TMEM132C: variants seen among roughly 807,000 people sequenced by gnomAD.
TMEM132C encodes the protein protein phosphatase 1, regulatory subunit 152.
Under a neutral mutation model 61.4 loss-of-function variants are expected in TMEM132C, and 29 were observed. The observed-to-expected ratio is 0.47, with a 90% CI of 0.35 to 0.64. The LOEUF (loss-of-function observed/expected upper bound fraction) is 0.64. Ranked by LOEUF, TMEM132C falls within the 30% of genes least tolerant of loss-of-function variation. TMEM132C has a pLI of 0.00. For missense variants in TMEM132C, 1,408 were observed against 1,476.9 expected (o/e 0.95, Z 0.76); for synonymous variants, 656 against 633.1 (o/e 1.04, Z -0.54).
At chr12:128,434,702 A>G (rs1306780331) in intron 2 of TMEM132C, among the ~76,000 whole-genome samples, 2 of 152,178 alleles carry the variant, frequency 1.3e-5, no homozygotes, top group Non-Finnish European at 2.9e-5. Flanking sequence ...TCCGGGGTTC[A>G]AGCAATTATT....
intron 3 of TMEM132C, among the ~76,000 whole-genome samples, chr12:128,566,492 T>A (rs773546185): frequency 1.3e-5 from 2 of 152,226 alleles, no homozygotes; most frequent in Non-Finnish European, 2.9e-5. Flanking sequence ...AACATTGTGT[T>A]TGGCCCTATA....
chr12:128,376,269 T>C (rs2135986248), intron 1 of TMEM132C, among the ~76,000 whole-genome samples: 2 of 152,372 alleles, frequency 1.3e-5, no homozygotes. Flanking sequence ...ATTATTTTTC[T>C]TCTTCTGATT....
chr12:128,696,422 C>T (rs1470055444), intron 7 of TMEM132C, among the ~76,000 whole-genome samples: 1 of 152,182 alleles, frequency 6.6e-6, no homozygotes, highest in African/African-American at 2.4e-5. Flanking sequence ...TCCCCCTATG[C>T]CTTCTTAGAA....
chr12:128,639,753 A>T lies in TMEM132C; in HGVS notation c.1305+23418A>T, dbSNP rs78695291. ...ACTGAGGAGGTTTCTGGGATGTGGG[A>T]CTCCCAGTTTTAAAACTGGGACATC... On this transcript the variant is annotated intron_variant, in intron 4 of 8. Transcript: ENST00000435159. Among the ~76,000 whole-genome samples, 1,030 of 152,120 alleles carry T rather than the reference A, an allele frequency of 6.8e-3. 12 individuals carry two copies. Among genetic ancestry groups the T allele is most frequent in the African/African-American group, 0.024 (979 of 41,490 alleles).
At chr12:128,560,415 A>G (rs1874470426) in intron 3 of TMEM132C, among the ~76,000 whole-genome samples, 1 of 152,172 alleles carries the variant, frequency 6.6e-6, no homozygotes, top group Non-Finnish European at 1.5e-5. Context: ...GTGGCCTTCC[A>G]GGAGACCTGA....
At chr12:128,433,264 A>G (rs1160308690) in intron 2 of TMEM132C, among the ~76,000 whole-genome samples, 1 of 152,148 alleles carries the variant, frequency 6.6e-6, no homozygotes, top group Non-Finnish European at 1.5e-5. Context: ...CCAAATTTGC[A>G]GTATCACTGA....
chr12:128,620,641 G>A (rs1271515641), intron 4 of TMEM132C, among the ~76,000 whole-genome samples: 2 of 152,270 alleles, frequency 1.3e-5, no homozygotes, highest in Non-Finnish European at 2.9e-5. Flanking sequence ...CTTTGCCCCC[G>A]GGACTGATAT....
chr12:128,481,829 C>T (rs1313072883), intron 2 of TMEM132C, among the ~76,000 whole-genome samples: 1 of 152,170 alleles, frequency 6.6e-6, no homozygotes, highest in Non-Finnish European at 1.5e-5. Context: ...TCTGCTTGAC[C>T]TGGTGGAGCC....
chr12:128,635,478 T>C (rs907383175), intron 4 of TMEM132C, among the ~76,000 whole-genome samples: 1 of 150,782 alleles, frequency 6.6e-6, no homozygotes, highest in East Asian at 1.9e-4. Flanking sequence ...TTTTTTTTTT[T>C]GGTTTCTATC....
intron 1 of TMEM132C, among the ~76,000 whole-genome samples, chr12:128,358,493 T>TTGTGTGTGTG (rs58748919): frequency 0.36 from 52,188 of 144,724 alleles, 9,896 homozygotes; most frequent in South Asian, 0.47. Flanking sequence ...ACTTTTAAAA[T>TTGTGTGTGTG]TGTGTGTGTG....
intron 1 of TMEM132C, among the ~76,000 whole-genome samples, chr12:128,310,733 A>G (rs1168208732): frequency 6.6e-6 from 1 of 152,182 alleles, no homozygotes; most frequent in Non-Finnish European, 1.5e-5. Context: ...CATGCAAGCT[A>G]TATCTACCAG....
chr12:128,494,055 A>C (rs1009018230), intron 2 of TMEM132C, among the ~76,000 whole-genome samples: 1 of 152,212 alleles, frequency 6.6e-6, no homozygotes, highest in African/African-American at 2.4e-5. Context: ...AGTTTTTAGC[A>C]TGAAGGGCTG....
At chr12:128,575,299 T>C (rs976710296) in intron 3 of TMEM132C, among the ~76,000 whole-genome samples, 11 of 152,234 alleles carry the variant, frequency 7.2e-5, no homozygotes, top group African/African-American at 2.6e-4. Flanking sequence ...GCCACCATGG[T>C]GAAACCCCAT....
chr12:128,536,734 G>A (rs1873547267), intron 2 of TMEM132C, among the ~76,000 whole-genome samples: 2 of 145,050 alleles, frequency 1.4e-5, no homozygotes, highest in Admixed American at 1.4e-4. Context: ...AGTCTGGGAG[G>A]TTAATAGGGG....
intron 1 of TMEM132C, among the ~76,000 whole-genome samples, chr12:128,290,590 A>G (rs1371784557): frequency 6.6e-6 from 1 of 152,160 alleles, no homozygotes; most frequent in Non-Finnish European, 1.5e-5. Flanking sequence ...TGAATTGTCA[A>G]ATAGGGTCCC....
At chr12:128,495,005 CA>C (rs1301718929) in intron 2 of TMEM132C, among the ~76,000 whole-genome samples, 1 of 131,534 alleles carries the variant, frequency 7.6e-6, no homozygotes, top group Non-Finnish European at 1.7e-5. Context: ...TCCCTCTACA[CA>C]CTGCTTTGAA....
At chr12:128,310,229 A>G (rs1871924130) in intron 1 of TMEM132C, among the ~76,000 whole-genome samples, 1 of 152,220 alleles carries the variant, frequency 6.6e-6, no homozygotes, top group Non-Finnish European at 1.5e-5. Context: ...GATTATTTTT[A>G]TTAGTTAAAT....
At chr12:128,441,223 G>A (rs571107952) in intron 2 of TMEM132C, among the ~76,000 whole-genome samples, 47 of 152,226 alleles carry the variant, frequency 3.1e-4, no homozygotes, top group Non-Finnish European at 5.6e-4. Flanking sequence ...GAGGAGCAGA[G>A]CCACGGTCAA....
intron 2 of TMEM132C, among the ~76,000 whole-genome samples, chr12:128,457,854 T>A (rs1299614146): frequency 6.6e-6 from 1 of 152,146 alleles, no homozygotes; most frequent in African/African-American, 2.4e-5. Flanking sequence ...ATCCAGCCAT[T>A]GAGAGCCCTG....
Sources: allele counts gnomAD v4.1 joint callset (sites outside exome capture counted in the v4.1 genomes callset), GRCh38; gene constraint gnomAD v4.1.1; transcripts MANE v1.5; gene names NCBI Gene and HGNC (gene_info 2026-07-23, HGNC 2026-07-21).